Variants in PVT1 observed in about 807,000 individuals in gnomAD.
PVT1 encodes Pvt1 oncogene, also known as CXCR4/PVT1 fusion.
intron 2 of PVT1, among the ~76,000 whole-genome samples, chr8:127,889,101 C>T (rs866776427): frequency 1.8e-4 from 22 of 121,588 alleles, no homozygotes; most frequent in East Asian, 5.3e-4. Flanking sequence ...CCTTCCTTCC[C>T]TCCTTCCTTC....
chr8:127,987,091 C>G (rs1301998629), intron 3 of PVT1, among the ~76,000 whole-genome samples: 1 of 152,156 alleles, frequency 6.6e-6, no homozygotes, highest in South Asian at 2.1e-4. Flanking sequence ...TTATGTGTCT[C>G]CTGATTTCTT....
At chr8:127,853,768 A>G (rs897198476) in intron 2 of PVT1, among the ~76,000 whole-genome samples, 5 of 151,992 alleles carry the variant, frequency 3.3e-5, no homozygotes, top group Admixed American at 6.6e-5. Flanking sequence ...CTCAAAACAA[A>G]AAACAAGAAA....
At chr8:127,814,270 G>A (rs1586390584) in intron 2 of PVT1, among the ~76,000 whole-genome samples, 1 of 152,222 alleles carries the variant, frequency 6.6e-6, no homozygotes, top group East Asian at 1.9e-4. Context: ...GAGAGGCTGA[G>A]CAGGTGGAGA....
At chr8:127,927,754 C>A (rs1020401156) in intron 3 of PVT1, among the ~76,000 whole-genome samples, 1 of 152,174 alleles carries the variant, frequency 6.6e-6, no homozygotes, top group South Asian at 2.1e-4. Context: ...TGCTGACCCC[C>A]CAACCACAGG....
intron 2 of PVT1, among the ~76,000 whole-genome samples, chr8:127,815,142 T>C (rs895495560): frequency 3.3e-5 from 5 of 152,124 alleles, no homozygotes; most frequent in African/African-American, 1.2e-4. Flanking sequence ...ATTTTTGTAT[T>C]TTTTAGTAGA....
At chr8:128,031,638 C>T (rs1411630299) in intron 4 of PVT1, among the ~76,000 whole-genome samples, 1 of 152,212 alleles carries the variant, frequency 6.6e-6, no homozygotes, top group Non-Finnish European at 1.5e-5. Flanking sequence ...ATAATGATAA[C>T]AGTGACAGTA....
rs528780526 is a variant in PVT1, at chr8:127,887,846, T to A, written n.373-2743T>A. Among the ~76,000 whole-genome samples the A allele has an allele frequency of 6.0e-5, 9 of 149,800 alleles. No individual in the cohort carries two copies. In the South Asian group the frequency reaches 1.9e-3, roughly 32 times the overall value. On this transcript the variant is annotated intron_variant and non_coding_transcript_variant, in intron 2 of 10. Coordinates refer to ENST00000651587, the Ensembl canonical transcript of PVT1. ...CTTGGCCTAGAAACACTGTCTTATT[T>A]AAATAAGAAAGAGTGTCTCTCAGAA...
chr8:127,908,659 C>A (rs939169832), intron 3 of PVT1, among the ~76,000 whole-genome samples: 9 of 152,142 alleles, frequency 5.9e-5, no homozygotes, highest in African/African-American at 2.2e-4. Flanking sequence ...GTTTCTTAAC[C>A]CTTGATGGGA....
At chr8:128,064,205 C>T (rs13254990) in intron 4 of PVT1, among the ~76,000 whole-genome samples, 36,932 of 152,130 alleles carry the variant, frequency 0.24, 5,324 homozygotes, top group Middle Eastern at 0.39. Context: ...ATTAACTCCT[C>T]CTGTAAATCA....
At chr8:127,937,926 G>A (rs1244856378) in intron 3 of PVT1, among the ~76,000 whole-genome samples, 2 of 152,178 alleles carry the variant, frequency 1.3e-5, no homozygotes, top group East Asian at 3.9e-4. Flanking sequence ...GCTAAATCGT[G>A]CTACATGCTC....
chr8:128,010,283 T>C (rs1586479876), intron 4 of PVT1: 1 of 152,332 alleles, frequency 6.6e-6, no homozygotes, highest in East Asian at 1.9e-4. Context: ...TCTTATAAAC[T>C]GCAAAATGTC....
At chr8:127,882,169 C>T (rs868105095) in intron 2 of PVT1, among the ~76,000 whole-genome samples, 1 of 152,234 alleles carries the variant, frequency 6.6e-6, no homozygotes, top group African/African-American at 2.4e-5. Context: ...TCCCCCCTCC[C>T]CTGAATGAGG....
At chr8:127,947,830 C>T (rs1256684597) in intron 3 of PVT1, 2 of 456,384 alleles carry the variant, frequency 4.4e-6, no homozygotes, top group Middle Eastern at 3.2e-4. Context: ...GAAAAGCTCA[C>T]ATTTATTAAG....
At position 127,801,042 on chromosome 8, in the gene PVT1, A is replaced by G. The variant is rs561139332; in HGVS notation, n.372+4971A>G. On this transcript the variant is annotated intron_variant and non_coding_transcript_variant, in intron 2 of 10. Coordinates refer to ENST00000651587, the Ensembl canonical transcript of PVT1. Reference sequence around the variant, plus strand: ...GGCGTTTCAGGCTCTGGGAAGAGCTAGGACAGAGGTGGAGGCAGAAGTGAG... The same window carrying G: ...GGCGTTTCAGGCTCTGGGAAGAGCTGGGACAGAGGTGGAGGCAGAAGTGAG... Among the ~76,000 whole-genome samples, 281 of 152,270 alleles carry G rather than the reference A, an allele frequency of 1.8e-3. 1 individual carries two copies. Among genetic ancestry groups the G allele is most frequent in the African/African-American group, 6.6e-3 (273 of 41,556 alleles).
At chr8:127,889,409 C>A (rs939246212) in intron 2 of PVT1, among the ~76,000 whole-genome samples, 1 of 151,406 alleles carries the variant, frequency 6.6e-6, no homozygotes, top group African/African-American at 2.4e-5. Context: ...GGATTACAGG[C>A]GTGAGCCACC....
chr8:127,857,052 C>G (rs907798863), intron 2 of PVT1, among the ~76,000 whole-genome samples: 3 of 152,010 alleles, frequency 2.0e-5, no homozygotes, highest in East Asian at 3.9e-4. Context: ...ATGGCGAAAC[C>G]CTGTCTCTGC....
intron 3 of PVT1, among the ~76,000 whole-genome samples, chr8:127,984,471 A>G (rs1816921486): frequency 6.6e-6 from 1 of 152,228 alleles, no homozygotes; most frequent in Non-Finnish European, 1.5e-5. Flanking sequence ...AACAGGAATA[A>G]GGACAACAAT....
intron 4 of PVT1, among the ~76,000 whole-genome samples, chr8:128,029,058 G>A (rs1813358285): frequency 6.6e-6 from 1 of 151,976 alleles, no homozygotes; most frequent in Non-Finnish European, 1.5e-5. Context: ...GCCCAGGCTG[G>A]CCTCAAACTC....
At chr8:127,883,008 C>T (rs548850894) in intron 2 of PVT1, among the ~76,000 whole-genome samples, 73 of 151,974 alleles carry the variant, frequency 4.8e-4, no homozygotes, top group Non-Finnish European at 9.0e-4. Context: ...TGCACATACA[C>T]GCACACACAT....
Sources: gnomAD v4.1 joint callset for allele counts (sites outside exome capture counted in the v4.1 genomes callset) on GRCh38, gnomAD v4.1.1 for gene constraint, MANE v1.5 for transcripts, NCBI Gene and HGNC (gene_info 2026-07-23, HGNC 2026-07-21) for gene names.